Variants in CFAP92 observed in about 807,000 individuals in gnomAD.
CFAP92 encodes the protein uncharacterized protein CFAP92.
Under a neutral mutation model 106.3 loss-of-function variants are expected in CFAP92, and 86 were observed. The ratio of observed to expected loss-of-function variants is 0.81; its 90% CI spans 0.68 to 0.97. The LOEUF (loss-of-function observed/expected upper bound fraction) is 0.97. CFAP92 is among the 50% of genes least tolerant of loss of function. The pLI, the probability that CFAP92 is intolerant of heterozygous loss-of-function variation, is 0.00. For synonymous variants in CFAP92, 477 were observed against 506.4 expected (o/e 0.94, Z 0.78); for missense variants, 1,204 against 1,283.8 (o/e 0.94, Z 0.95).
chr3:129,023,887 C>T, the CFAP92 span, among the ~76,000 whole-genome samples: 1 of 152,164 alleles, frequency 6.6e-6, no homozygotes, highest in African/African-American at 2.4e-5. Flanking sequence ...GGACTCAACC[C>T]ATGTCTTGTG....
the CFAP92 span, among the ~76,000 whole-genome samples, chr3:129,014,699 G>T: frequency 6.6e-6 from 1 of 152,196 alleles, no homozygotes; most frequent in Admixed American, 6.5e-5. The surrounding 1 kb of genome is among the most constrained non-coding windows in gnomAD (Gnocchi z 4.3). Flanking sequence ...TGGAATTGAG[G>T]CCTGAGTGGC....
At chr3:128,917,661 G>T (rs898515526) in intron 12 of CFAP92, among the ~76,000 whole-genome samples, 3 of 152,256 alleles carry the variant, frequency 2.0e-5, no homozygotes, top group South Asian at 4.1e-4. Context: ...ATATGAAGCA[G>T]AAGTAAAACT....
At chr3:128,974,647 C>T (rs1038420808) in intron 7 of CFAP92, among the ~76,000 whole-genome samples, 2 of 151,862 alleles carry the variant, frequency 1.3e-5, no homozygotes, top group African/African-American at 4.8e-5. Flanking sequence ...ATGGTGAAAC[C>T]CTGTCTCTAC....
chr3:129,003,773 C>A (rs768971609), upstream of CFAP92: 5 of 1,405,300 alleles, frequency 3.6e-6, no homozygotes, highest in South Asian at 7.2e-5. Context: ...ACCCCCTGCC[C>A]CTGCTGCCCT....
In CFAP92 at chr3:129,001,614, G is replaced by A. The variant is rs1944752970; in HGVS notation, n.117+960C>T. 1.1e-5 allele frequency: 15 copies of A among 1,355,240 alleles called. No homozygotes were observed. The South Asian group carries it at 2.7e-4, about 25-fold the overall frequency. The allele number at this position is 1,355,240 out of a possible 1,614,324, so 84.0% of individuals were successfully genotyped here. On this transcript the variant is annotated intron_variant and non_coding_transcript_variant, in intron 1 of 4. Transcript: ENST00000510149. ...CCGGAGGAGGGACCGGAGGAGCGAG[G>A]CGCGCGGCGCAGCGATGGAGCCGGT...
At chr3:128,988,627 G>T (rs568346832) in intron 3 of CFAP92, 101 bp downstream of exon 3, 3 of 1,220,856 alleles carry the variant, frequency 2.5e-6, no homozygotes, top group Non-Finnish European at 2.3e-6. Flanking sequence ...TCCAATTCTA[G>T]CAAGCTGGAG....
At chr3:128,975,611 C>T (rs551698218) in intron 7 of CFAP92, among the ~76,000 whole-genome samples, 168 bp downstream of exon 7, 9 of 152,118 alleles carry the variant, frequency 5.9e-5, no homozygotes, top group Non-Finnish European at 1.0e-4. Flanking sequence ...GATGGATAGA[C>T]GGTAAGGATG....
chr3:128,999,212 T>C (rs1944592296), intron 1 of CFAP92, among the ~76,000 whole-genome samples: 1 of 152,188 alleles, frequency 6.6e-6, no homozygotes, highest in Admixed American at 6.5e-5. Flanking sequence ...CCTCTGAGTT[T>C]GCTCACTTTG....
chr3:129,001,167 C>A (rs150764581), intron 1 of CFAP92, among the ~76,000 whole-genome samples: 8 of 152,220 alleles, frequency 5.3e-5, no homozygotes, highest in Non-Finnish European at 1.2e-4. Flanking sequence ...GAGGCCGCCA[C>A]CCCCAAGGCC....
chr3:128,989,766 A>G (rs1944099085), intron 2 of CFAP92, among the ~76,000 whole-genome samples: 1 of 152,252 alleles, frequency 6.6e-6, no homozygotes, highest in Admixed American at 6.5e-5. Context: ...AGACTGCTGC[A>G]GCATTAATTT....
intron 9 of CFAP92, among the ~76,000 whole-genome samples, chr3:128,946,736 C>A (rs1181854388): frequency 6.6e-6 from 1 of 152,064 alleles, no homozygotes; most frequent in African/African-American, 2.4e-5. Flanking sequence ...TCAACCTAGG[C>A]CTCAAAGAAT....
chr3:128,912,750 G>A (rs775520346), intron 15 of CFAP92: 15 of 825,980 alleles, frequency 1.8e-5, no homozygotes, highest in Non-Finnish European at 2.9e-5. Flanking sequence ...GTTGTCGCCT[G>A]GCCTGGGAGA....
chr3:129,001,591 G>A (rs1248692721), intron 1 of CFAP92: 2 of 1,352,254 alleles, frequency 1.5e-6, no homozygotes, highest in Non-Finnish European at 1.9e-6. Flanking sequence ...CGAAGGGACC[G>A]GAGGAGGGAC....
At chr3:128,912,464 C>T (rs544778604) in intron 15 of CFAP92, 4 of 1,557,248 alleles carry the variant, frequency 2.6e-6, no homozygotes, top group Admixed American at 3.4e-5. Context: ...TGTCTTATCA[C>T]GGTGCAGAAA....
intron 2 of CFAP92, among the ~76,000 whole-genome samples, chr3:128,992,591 T>C (rs1330222868): frequency 6.6e-6 from 1 of 151,956 alleles, no homozygotes; most frequent in Non-Finnish European, 1.5e-5. Context: ...TTTTTTTTTT[T>C]TTGACAGAGT....
the CFAP92 span, among the ~76,000 whole-genome samples, chr3:129,019,769 T>A: frequency 6.8e-6 from 1 of 147,216 alleles, no homozygotes; most frequent in Non-Finnish European, 1.5e-5. Flanking sequence ...ATTTACTTTT[T>A]TTTTTTTTTT....
At chr3:128,992,707 G>A (rs926392789) in intron 2 of CFAP92, among the ~76,000 whole-genome samples, 1 of 151,968 alleles carries the variant, frequency 6.6e-6, no homozygotes, top group Admixed American at 6.6e-5. Flanking sequence ...CCCGGAAAAT[G>A]TATTTTAAAC....
intron 4 of CFAP92, among the ~76,000 whole-genome samples, chr3:128,986,803 C>G (rs1433223141): frequency 1.3e-5 from 2 of 152,210 alleles, no homozygotes; most frequent in Non-Finnish European, 2.9e-5. Flanking sequence ...ATTCTACCGT[C>G]TGGCTTCAAA....
chr3:128,936,735 CCTT>C (rs1939062621), intron 10 of CFAP92, among the ~76,000 whole-genome samples: 1 of 152,186 alleles, frequency 6.6e-6, no homozygotes, highest in Non-Finnish European at 1.5e-5. Context: ...TAATGCCCCT[CCTT>C]GTTATAAAAC....
Sources: allele counts gnomAD v4.1 joint callset (sites outside exome capture counted in the v4.1 genomes callset), GRCh38; gene constraint gnomAD v4.1.1; non-coding constraint Gnocchi (gnomAD v3.1); transcripts MANE v1.5; gene names NCBI Gene and HGNC (gene_info 2026-07-23, HGNC 2026-07-21).